The following REV3L variants were observed in gnomAD, a reference collection of about 807,000 sequenced individuals.
REV3L encodes the protein DNA polymerase zeta catalytic subunit.
In REV3L, 69 loss-of-function variants were observed where a neutral mutation model predicts 299.4. That is an observed-to-expected ratio of 0.23 (90% CI 0.19 to 0.28). The LOEUF (loss-of-function observed/expected upper bound fraction) is 0.28. REV3L is among the 10% of genes least tolerant of loss of function. The pLI is 1.00. For synonymous variants in REV3L, 1,238 were observed against 1,271.4 expected (o/e 0.97, Z 0.56); for missense variants, 3,128 against 3,693.8 (o/e 0.85, Z 3.97).
At chr6:111,338,311 CCTTTTTTTTTTTTTT>C (rs1562144530) in intron 21 of REV3L, among the ~76,000 whole-genome samples, 12 of 49,032 alleles carry the variant, frequency 2.4e-4, no homozygotes, top group Admixed American at 2.1e-3. Context: ...AGTCTAAAGT[CCTTTTTTTTTTTTTT>C]TTTTTTTTTT....
rs1248633153 is a variant in REV3L at position 111,299,952 on chromosome 6, T to A, written c.*64A>T. 1.3e-6 allele frequency: 2 copies of A among 1,499,412 alleles called. No individual in the cohort carries two copies. The highest frequency in any genetic ancestry group is 1.8e-6 in the Non-Finnish European group (2 of 1,106,436). The allele number at this position is 1,499,412 out of a possible 1,614,324, so 92.9% of individuals were successfully genotyped here. The stretch of plus-strand genomic sequence containing the variant: ...ACTCGATGAAAGTTAAAAAGCACCA[T>A]GCACAACAGTTTAGTGGTAAGCACT... On this transcript the variant is annotated 3_prime_UTR_variant, in exon 32 of 32. Coordinates refer to ENST00000368802, the MANE Select transcript of REV3L (RefSeq NM_001372078.1).
intron 23 of REV3L, among the ~76,000 whole-genome samples, chr6:111,332,795 C>G (rs1405897835): frequency 6.6e-6 from 1 of 151,922 alleles, no homozygotes; most frequent in Admixed American, 6.6e-5. Flanking sequence ...GATCATAATC[C>G]TCAAACTGTT....
intron 26 of REV3L, chr6:111,315,669 T>C: frequency 5.5e-6 from 2 of 363,600 alleles, no homozygotes; most frequent in South Asian, 3.3e-5. Flanking sequence ...CATTTAAGGC[T>C]TTGTATGGTA....
At chr6:111,327,889 A>G (rs1775005008) in intron 25 of REV3L, among the ~76,000 whole-genome samples, 1 of 152,178 alleles carries the variant, frequency 6.6e-6, no homozygotes. Context: ...TGCCTTGCTC[A>G]TGTTTTTGGA....
intron 21 of REV3L, among the ~76,000 whole-genome samples, chr6:111,343,338 T>C (rs1160550406): frequency 1.3e-5 from 2 of 152,236 alleles, no homozygotes; most frequent in Admixed American, 1.3e-4. Context: ...TATGAAGTTC[T>C]ATAATTGGCA....
At chr6:111,323,788 A>T (rs138542539) in intron 25 of REV3L, among the ~76,000 whole-genome samples, 197 of 152,318 alleles carry the variant, frequency 1.3e-3, no homozygotes, top group African/African-American at 4.5e-3. Flanking sequence ...TAAAACGCAA[A>T]CTGCACATTT....
intron 18 of REV3L, among the ~76,000 whole-genome samples, chr6:111,352,411 ATGAG>A (rs985916889): frequency 6.6e-6 from 1 of 152,180 alleles, no homozygotes; most frequent in Non-Finnish European, 1.5e-5. Flanking sequence ...ACTGAAGTAT[ATGAG>A]TGAAGGTACA....
At position 111,420,607 on chromosome 6, in the gene REV3L, T is replaced by C. The variant is rs535187964; in HGVS notation, c.140-4135A>G. 6.6e-5 allele frequency among the ~76,000 whole-genome samples: 10 copies of C among 152,312 alleles called. No individual in the cohort carries two copies. In the South Asian group the frequency reaches 8.3e-4, roughly 13 times the overall value. ...GATCGTCTGTGGCTGAACAAGCCCA[T>C]GTACACAGGTTTCAAAAATTTCAGA... On this transcript the variant is annotated intron_variant, in intron 1 of 31. Transcript: ENST00000368802.
At chr6:111,433,665 A>C (rs1787205765) in intron 1 of REV3L, among the ~76,000 whole-genome samples, 2 of 152,202 alleles carry the variant, frequency 1.3e-5, no homozygotes, top group African/African-American at 4.8e-5. Context: ...TCTTCAAACA[A>C]AATTGAAGCA....
intron 1 of REV3L, among the ~76,000 whole-genome samples, chr6:111,457,811 C>T (rs1459999443): frequency 6.6e-6 from 1 of 151,706 alleles, no homozygotes; most frequent in Admixed American, 6.6e-5. Flanking sequence ...TAAGAATTTT[C>T]CAAATTAAGT....
chr6:111,433,014 C>T (rs1787127573), intron 1 of REV3L, among the ~76,000 whole-genome samples: 1 of 151,982 alleles, frequency 6.6e-6, no homozygotes, highest in Non-Finnish European at 1.5e-5. Flanking sequence ...AATGAAAACA[C>T]AACATACCCA....
At chr6:111,363,311 T>C (rs1429036210) in intron 16 of REV3L, among the ~76,000 whole-genome samples, 2 of 152,114 alleles carry the variant, frequency 1.3e-5, no homozygotes, top group African/African-American at 4.8e-5. Flanking sequence ...TTTTTTGTTT[T>C]TCCCCAAAGA....
Position 111,367,662 on chromosome 6 carries a change from G to T in REV3L, c.6126C>A (p.Asn2042Lys). 6.2e-7 allele frequency: 1 copy of T among 1,614,200 alleles called. No individual in the cohort carries two copies. The highest frequency in any genetic ancestry group is 8.5e-7 in the Non-Finnish European group (1 of 1,180,038). The change falls in exon 14 of 32, where the codon AAC becomes AAA. Residue 2042 changes from asparagine to lysine, a missense_variant. Asn to Lys is a moderately conservative substitution (Grantham distance 94). This residue lies in a region of REV3L where 2,409 missense variants were observed against 2,611.8 expected (regional missense o/e 0.92). Transcript: ENST00000368802. The part of the protein sequence containing the change: ...KSAENFSSSV[N>K]PDDKPVVPPK... ...GAGGCACTACAGGTTTGTCATCTGGGTTAACTGAAGAGCTAAAGTTCTCAG... is the reference window on the plus strand; with the variant it reads ...GAGGCACTACAGGTTTGTCATCTGGTTTAACTGAAGAGCTAAAGTTCTCAG...
intron 23 of REV3L, 119 bp from the exon 24 acceptor site, chr6:111,331,903 A>G (rs1379687182): frequency 3.0e-6 from 2 of 668,488 alleles, no homozygotes; most frequent in Non-Finnish European, 5.2e-6. Context: ...CTAAACAAGA[A>G]TTCATGTACT....
At chr6:111,324,894 C>T (rs1046255746) in intron 25 of REV3L, among the ~76,000 whole-genome samples, 1 of 150,340 alleles carries the variant, frequency 6.7e-6, no homozygotes, top group Non-Finnish European at 1.5e-5. Flanking sequence ...TGGAGTCTCA[C>T]TCTGTCGCCC....
chr6:111,320,649 T>A (rs1021633879), intron 26 of REV3L, among the ~76,000 whole-genome samples: 11 of 151,906 alleles, frequency 7.2e-5, no homozygotes, highest in African/African-American at 2.7e-4. Context: ...CACTAAACGT[T>A]TGGGTTTCTT....
At chr6:111,387,718 A>C in intron 9 of REV3L, 47 bp downstream of exon 9, 18 of 1,531,120 alleles carry the variant, frequency 1.2e-5, no homozygotes, top group African/African-American at 2.7e-5. Flanking sequence ...TCTCAGTGCT[A>C]GATATCTGTT....
chr6:111,371,575 T>TC (rs988619553), intron 13 of REV3L, among the ~76,000 whole-genome samples: 6 of 151,268 alleles, frequency 4.0e-5, no homozygotes, highest in African/African-American at 1.2e-4. Context: ...TTTTTTTTTT[T>TC]CTGAGATGGA....
At position 111,349,276 on chromosome 6, in the gene REV3L, C is replaced by T; in HGVS notation, c.7361G>A (p.Ser2454Asn). The change falls in exon 20 of 32, where the codon AGT becomes AAT. Residue 2454 changes from serine to asparagine, a missense_variant. Physicochemically the swap from Ser to Asn is conservative, Grantham distance 46 (BLOSUM62 1). Coordinates refer to ENST00000368802, the MANE Select transcript of REV3L (RefSeq NM_001372078.1). ...AATTCGGCCAACAATATTTATCTCA[C>T]TCATTGTATATGATCCATACTCATC... The part of the protein sequence containing the change: ...ERDEYGSYTM[S>N]EINIVGRITL... The T allele has an allele frequency of 6.2e-7, 1 of 1,608,826 alleles. No individual in the cohort carries two copies. The highest frequency in any genetic ancestry group is 8.5e-7 in the Non-Finnish European group (1 of 1,176,536).
Sources: gnomAD v4.1 joint callset for allele counts (sites outside exome capture counted in the v4.1 genomes callset) on GRCh38, gnomAD v4.1.1 for gene constraint, gnomAD v4.1.1 regional missense constraint, MANE v1.5 for transcripts, NCBI Gene and HGNC (gene_info 2026-07-23, HGNC 2026-07-21) for gene names.